Variants in VAV2 observed in about 807,000 individuals in gnomAD.
VAV2 encodes the protein vav guanine nucleotide exchange factor 2.
A neutral mutation model predicts 132.5 loss-of-function variants in VAV2; 67 were observed. That is an observed-to-expected ratio of 0.51 (90% CI 0.42 to 0.62). The LOEUF (loss-of-function observed/expected upper bound fraction) is 0.62, where lower values mean the gene tolerates loss of function less well. Among genes scored for constraint, VAV2 ranks in the 20% least tolerant of loss-of-function variants. VAV2 has a pLI of 0.00. For missense variants in VAV2, 938 were observed against 1,153.6 expected (o/e 0.81, Z 2.71); for synonymous variants, 492 against 443.5 (o/e 1.11, Z -1.37).
intron 2 of VAV2, among the ~76,000 whole-genome samples, chr9:133,871,245 T>C (rs1342599055): frequency 6.8e-6 from 1 of 146,438 alleles, no homozygotes; most frequent in Non-Finnish European, 1.5e-5. Flanking sequence ...GGCAGATGGA[T>C]GGATGGATGG....
intron 1 of VAV2, among the ~76,000 whole-genome samples, chr9:133,970,299 C>T (rs572257012): frequency 3.9e-5 from 6 of 152,316 alleles, no homozygotes; most frequent in African/African-American, 7.2e-5. Context: ...GGAAAACCCC[C>T]GCCCGCCATG....
chr9:133,815,535 C>T (rs544661176), intron 4 of VAV2, among the ~76,000 whole-genome samples: 4 of 152,228 alleles, frequency 2.6e-5, no homozygotes, highest in South Asian at 2.1e-4. Flanking sequence ...AGAATGTCAA[C>T]GGTGTTGTGC....
Position 133,992,091 on chromosome 9 carries a change from C to T in VAV2, c.188G>A (p.Arg63Gln). 6.3e-7 allele frequency: 1 copy of T among 1,579,964 alleles called. No homozygotes were observed. Among genetic ancestry groups the T allele is most frequent in the South Asian group, 1.1e-5 (1 of 87,928 alleles). The stretch of plus-strand genomic sequence containing the variant: ...GGCGCTCACCTGGGACATCTGCGGC[C>T]GGAAGTTGATGTCCTTGAGGTCGAT... ...GSIDLKDINF[R>Q]PQMSQFLCLK... The change falls in exon 1 of 30, where the codon CGG becomes CAG. Residue 63 changes from arginine to glutamine, a missense_variant. Physicochemically the swap from Arg to Gln is conservative, Grantham distance 43 (BLOSUM62 1). Transcript: ENST00000371850. This position sits in a 1 kb window ranked among gnomAD's most constrained non-coding sequence, Gnocchi z 5.5.
intron 1 of VAV2, among the ~76,000 whole-genome samples, chr9:133,984,184 A>G (rs113408501): frequency 0.18 from 28,069 of 152,048 alleles, 3,025 homozygotes; most frequent in African/African-American, 0.29. Context: ...ATGTTGGCCA[A>G]GCTGGTCTCA....
chr9:133,948,908 G>T (rs922672781), intron 1 of VAV2, among the ~76,000 whole-genome samples: 2 of 152,216 alleles, frequency 1.3e-5, no homozygotes, highest in African/African-American at 4.8e-5. Context: ...TAATCCAGGT[G>T]GTCTGGTCCT....
chr9:133,796,330 T>C lies in VAV2; in HGVS notation c.1032+99A>G, dbSNP rs1834710989. 6.1e-6 allele frequency: 6 copies of C among 990,346 alleles called. No individual in the cohort carries two copies. The South Asian group carries it at 9.6e-5, about 16-fold the overall frequency. 61.3% of individuals were successfully genotyped at this position (990,346 alleles called of 1,614,324 possible). A position where few individuals can be genotyped will look rare whatever the true frequency, so the allele number is the denominator to read the frequency against. On this transcript the variant is annotated intron_variant, in intron 11 of 29. Coordinates refer to ENST00000371850, the MANE Select transcript of VAV2 (RefSeq NM_001134398.2). Reference sequence around the variant, plus strand: ...ACTGACTTGTCTATATTCAACTTAATCTGTCTGTGGGCTGCAACCTATACC... The same window carrying C: ...ACTGACTTGTCTATATTCAACTTAACCTGTCTGTGGGCTGCAACCTATACC...
At position 133,807,320 on chromosome 9, in the gene VAV2, T is replaced by A; in HGVS notation, c.673A>T (p.Met225Leu). 1 of 1,610,130 alleles carries A rather than the reference T, an allele frequency of 6.2e-7. No individual in the cohort carries two copies. The highest frequency in any genetic ancestry group is 1.1e-5 in the South Asian group (1 of 90,072). ...CTCAGCACCAGCCGCAGGGGGCTCA[T>A]GTAGTTCTGGAAGAGAGAAGTCCAC... Reference protein sequence around the residue: ...RTLEDIEKNYMSPLRLVLSPA... With the variant: ...RTLEDIEKNYLSPLRLVLSPA... Residue 225 changes from methionine (M) to leucine (L), a missense_variant, in exon 8 of 30, where the codon ATG becomes TTG. Physicochemically the swap from Met to Leu is conservative, Grantham distance 15. Coordinates refer to ENST00000371850, the MANE Select transcript of VAV2 (RefSeq NM_001134398.2).
intron 2 of VAV2, among the ~76,000 whole-genome samples, chr9:133,916,124 G>A (rs969230848): frequency 9.2e-5 from 14 of 152,240 alleles, no homozygotes; most frequent in African/African-American, 1.9e-4. Context: ...GGCAGGAAAC[G>A]GGCACAGGCC....
intron 2 of VAV2, among the ~76,000 whole-genome samples, chr9:133,874,192 G>T (rs577330119): frequency 5.9e-5 from 9 of 152,252 alleles, no homozygotes; most frequent in Admixed American, 1.3e-4. Context: ...ATGAAAGCAA[G>T]GTTTCTGAGT....
At chr9:133,977,103 A>T (rs1842537331) in intron 1 of VAV2, among the ~76,000 whole-genome samples, 1 of 152,210 alleles carries the variant, frequency 6.6e-6, no homozygotes, top group African/African-American at 2.4e-5. Context: ...GGCCACGCCC[A>T]GCCGCCCTGC....
rs369424247 is a variant in VAV2 at position 133,791,796 on chromosome 9, G to A, written c.1175C>T (p.Ser392Phe). 1 of 1,614,132 alleles carries A rather than the reference G, an allele frequency of 6.2e-7. No homozygotes were observed. The highest frequency in any genetic ancestry group is 1.1e-5 in the South Asian group (1 of 91,084). Residue 392 changes from serine to phenylalanine, a missense_variant, in exon 13 of 30, where the codon TCT becomes TTT. Transcript: ENST00000371850. ...TLRKISEFQS[S>F]IENLQVKLEE... is the part of the protein sequence containing the mutation. ...AGTCTCACTCACCAAATTTTCTATA[G>A]AACTCTGAAATTCGCTGATTTTCCT...
chr9:133,972,329 C>A (rs1588199862), intron 1 of VAV2, among the ~76,000 whole-genome samples: 3 of 152,234 alleles, frequency 2.0e-5, no homozygotes, highest in Admixed American at 1.3e-4. Context: ...TCCGTCCGAC[C>A]CTTCTCTAAG....
At chr9:133,771,554 G>A (rs1833625764) in intron 26 of VAV2, among the ~76,000 whole-genome samples, 1 of 152,210 alleles carries the variant, frequency 6.6e-6, no homozygotes, top group East Asian at 1.9e-4. Context: ...GACAGAGGGT[G>A]GGGGTGAGTC....
rs1452206900 is a variant in VAV2, at chr9:133,935,404, A to G, written c.321+3699T>C. ...CCTCCACACCGGCTCCTTGTGGTCAACAAGCTGGGAGTCCGGGAGGCCAGA... is the reference window on the plus strand; with the variant it reads ...CCTCCACACCGGCTCCTTGTGGTCAGCAAGCTGGGAGTCCGGGAGGCCAGA... On this transcript the variant is annotated intron_variant, in intron 2 of 29. Coordinates refer to ENST00000371850, the MANE Select transcript of VAV2 (RefSeq NM_001134398.2). This position sits in a 1 kb window ranked among gnomAD's most constrained non-coding sequence, Gnocchi z 5.2. Among the ~76,000 whole-genome samples, 1 of 152,194 alleles carries G rather than the reference A, an allele frequency of 6.6e-6. No individual in the cohort carries two copies. The highest frequency in any genetic ancestry group is 6.5e-5 in the Admixed American group (1 of 15,280).
At chr9:133,830,314 T>C (rs917259031) in intron 4 of VAV2, among the ~76,000 whole-genome samples, 4 of 152,206 alleles carry the variant, frequency 2.6e-5, no homozygotes, top group Admixed American at 2.6e-4. Flanking sequence ...TGATATGGTC[T>C]GGCTGTGTCC....
intron 4 of VAV2, among the ~76,000 whole-genome samples, chr9:133,821,196 C>T (rs1417022955): frequency 6.6e-6 from 1 of 152,200 alleles, no homozygotes; most frequent in Non-Finnish European, 1.5e-5. Flanking sequence ...GTGGAGGCTC[C>T]GTGTCATCAG....
At chr9:133,915,796 T>C (rs1474609956) in intron 2 of VAV2, among the ~76,000 whole-genome samples, 2 of 141,480 alleles carry the variant, frequency 1.4e-5, no homozygotes, top group Non-Finnish European at 3.0e-5. Flanking sequence ...GATGTACATG[T>C]ACACACGATG....
chr9:133,775,170 ATCTCC>A, intron 24 of VAV2, 119 bp from the exon 25 acceptor site: 1 of 801,230 alleles, frequency 1.2e-6, no homozygotes, highest in Non-Finnish European at 2.0e-6. Context: ...CTGAGAGCTC[ATCTCC>A]TAATGAACCC....
At chr9:133,792,165 G>C in intron 12 of VAV2, among the ~76,000 whole-genome samples, 1 of 149,220 alleles carries the variant, frequency 6.7e-6, no homozygotes, top group African/African-American at 2.5e-5. Context: ...GACTGTGTGT[G>C]TGTAAGCGGG....
Sources: gnomAD v4.1 joint callset for allele counts (sites outside exome capture counted in the v4.1 genomes callset) on GRCh38, gnomAD v4.1.1 for gene constraint, Gnocchi (gnomAD v3.1) non-coding constraint, MANE v1.5 for transcripts, NCBI Gene and HGNC (gene_info 2026-07-23, HGNC 2026-07-21) for gene names.